RIMS1: variants seen among roughly 807,000 people sequenced by gnomAD.
RIMS1 encodes regulating synaptic membrane exocytosis protein 1.
RIMS1 carries 83 observed loss-of-function variants against 214.1 expected under a neutral mutation model. That is an observed-to-expected ratio of 0.39 (90% CI 0.32 to 0.47). The LOEUF is 0.47. RIMS1 is among the 20% of genes least tolerant of loss of function. The pLI is 0.99. For missense variants in RIMS1, 2,050 were observed against 2,161.8 expected, an observed-to-expected ratio of 0.95 and a Z score of 1.03; for synonymous variants, 793 against 786.8, an observed-to-expected ratio of 1.01 and a Z score of -0.13.
At chr6:71,887,316 C>G in intron 1 of RIMS1, 129 bp downstream of exon 1, 1 of 1,236,096 alleles carries the variant, frequency 8.1e-7, no homozygotes, top group Non-Finnish European at 1.1e-6. Flanking sequence ...GACGGAGGCG[C>G]CCGCCTTGGG....
intron 2 of RIMS1, among the ~76,000 whole-genome samples, chr6:71,988,534 A>G (rs1470151368): frequency 1.3e-5 from 2 of 152,200 alleles, no homozygotes; most frequent in South Asian, 2.1e-4. Context: ...GTAATAATAT[A>G]TATACAAAAC....
intron 28 of RIMS1, among the ~76,000 whole-genome samples, chr6:72,328,688 A>G (rs545369441): frequency 3.1e-4 from 47 of 151,762 alleles, no homozygotes; most frequent in Non-Finnish European, 5.9e-4. Flanking sequence ...CAGTGTTACC[A>G]CACAGCTATA....
chr6:71,934,747 ACT>A (rs1784002013), intron 1 of RIMS1, among the ~76,000 whole-genome samples: 1 of 152,118 alleles, frequency 6.6e-6, no homozygotes, highest in Non-Finnish European at 1.5e-5. Context: ...CCTAGGAATA[ACT>A]CTCAAATGAC....
At chr6:72,336,189 C>T (rs1030474098) in intron 29 of RIMS1, among the ~76,000 whole-genome samples, 2 of 151,762 alleles carry the variant, frequency 1.3e-5, no homozygotes, top group African/African-American at 2.4e-5. Flanking sequence ...CTTTTTCTCT[C>T]TCTTCTCCCT....
At chr6:71,917,829 C>T (rs557836871) in intron 1 of RIMS1, among the ~76,000 whole-genome samples, 114 of 152,110 alleles carry the variant, frequency 7.5e-4, no homozygotes, top group African/African-American at 2.5e-3. Flanking sequence ...AAAAGTGAAG[C>T]GAAAAGATTT....
chr6:72,135,263 A>G (rs1017179648), intron 4 of RIMS1, among the ~76,000 whole-genome samples: 22 of 152,198 alleles, frequency 1.4e-4, no homozygotes, highest in Non-Finnish European at 2.5e-4. Context: ...AAATTATTAC[A>G]AAGATAAAAG....
At chr6:72,006,143 C>G (rs1807504868) in intron 2 of RIMS1, among the ~76,000 whole-genome samples, 1 of 152,140 alleles carries the variant, frequency 6.6e-6, no homozygotes, top group Non-Finnish European at 1.5e-5. Flanking sequence ...ATTCTTATCA[C>G]AGCACCAATT....
chr6:72,218,411 T>C (rs2057158085), intron 6 of RIMS1, among the ~76,000 whole-genome samples: 1 of 152,128 alleles, frequency 6.6e-6, no homozygotes, highest in Non-Finnish European at 1.5e-5. Context: ...TTTCAAGAGG[T>C]CTACTTTGTG....
At chr6:72,153,278 A>G (rs991553154) in intron 4 of RIMS1, among the ~76,000 whole-genome samples, 3 of 151,166 alleles carry the variant, frequency 2.0e-5, no homozygotes, top group Non-Finnish European at 4.4e-5. Flanking sequence ...GGACTGGTTG[A>G]TTTTTTTTCA....
At chr6:72,009,630 A>T (rs1270737411) in intron 2 of RIMS1, among the ~76,000 whole-genome samples, 2 of 148,748 alleles carry the variant, frequency 1.3e-5, no homozygotes, top group African/African-American at 4.9e-5. Flanking sequence ...CAATAAAAAA[A>T]TGATAAAGGG....
chr6:72,008,106 C>A (rs1808583944), intron 2 of RIMS1, among the ~76,000 whole-genome samples: 1 of 152,206 alleles, frequency 6.6e-6, no homozygotes, highest in African/African-American at 2.4e-5. Flanking sequence ...GGAAGCCCAT[C>A]AGACTAGCAG....
rs550228648 is a variant in RIMS1 at position 72,139,457 on chromosome 6, C to T, written c.471+39471C>T. ...AAGCACTGCCCACCCACTGCTCCTA[C>T]TCTGCACTGGCCCTTTGTGCTAATT... On this transcript the variant is annotated intron_variant, in intron 4 of 33. Transcript: ENST00000521978. Among the ~76,000 whole-genome samples, 6 of 152,316 alleles carry T rather than the reference C, an allele frequency of 3.9e-5. No homozygotes were observed. In the South Asian group the frequency reaches 1.2e-3, roughly 32 times the overall value.
At chr6:72,300,799 A>G (rs894716685) in intron 26 of RIMS1, among the ~76,000 whole-genome samples, 1 of 151,740 alleles carries the variant, frequency 6.6e-6, no homozygotes, top group East Asian at 1.9e-4. Context: ...GCAGTTTTAC[A>G]TTGAGAAATT....
intron 2 of RIMS1, among the ~76,000 whole-genome samples, chr6:72,082,089 G>GGAAGCCTT (rs1833550274): frequency 6.6e-6 from 1 of 152,194 alleles, no homozygotes; most frequent in South Asian, 2.1e-4. Flanking sequence ...CTGAAAAAGA[G>GGAAGCCTT]GAAGCCTTTT....
chr6:72,222,768 A>G (rs1223693234), intron 6 of RIMS1, among the ~76,000 whole-genome samples: 1 of 152,140 alleles, frequency 6.6e-6, no homozygotes, highest in Non-Finnish European at 1.5e-5. Context: ...CCTTGTTTTT[A>G]TAAAAATTTA....
chr6:72,011,387 C>T (rs1351760514), intron 2 of RIMS1, among the ~76,000 whole-genome samples: 1 of 152,166 alleles, frequency 6.6e-6, no homozygotes, highest in African/African-American at 2.4e-5. Flanking sequence ...GAGAAGAAAA[C>T]CTAGGCAATA....
Position 72,251,361 on chromosome 6 carries a change from G to A in RIMS1, c.2691G>A (p.Lys897=). 6.3e-7 allele frequency: 1 copy of A among 1,590,660 alleles called. No individual in the cohort carries two copies. The highest frequency in any genetic ancestry group is 8.6e-7 in the Non-Finnish European group (1 of 1,168,238). The change falls in exon 15 of 34, where the codon AAG becomes AAA. Residue 897 remains lysine, a synonymous_variant. Coordinates refer to ENST00000521978, the MANE Select transcript of RIMS1 (RefSeq NM_014989.7). ...TTCATGGAGAAAGCTCTAGCAAAAA[G>A]CTACAAAGTAGGTTAAGGTCCTTTT... ...RHIHGESSSK[K]LQRSQRISDS...
chr6:72,199,124 T>C (rs1234853964), intron 6 of RIMS1, among the ~76,000 whole-genome samples: 2 of 152,076 alleles, frequency 1.3e-5, no homozygotes, highest in Admixed American at 6.6e-5. Context: ...AAGAAGGTCA[T>C]GGATTCCAAG....
chr6:72,129,575 A>G (rs1217670226), intron 4 of RIMS1, among the ~76,000 whole-genome samples: 1 of 152,190 alleles, frequency 6.6e-6, no homozygotes, highest in East Asian at 1.9e-4. Flanking sequence ...TTTTATAAGT[A>G]TAAGAGTTTT....
Sources: allele counts gnomAD v4.1 joint callset (sites outside exome capture counted in the v4.1 genomes callset), GRCh38; gene constraint gnomAD v4.1.1; transcripts MANE v1.5; gene names NCBI Gene and HGNC (gene_info 2026-07-23, HGNC 2026-07-21).